DSCAM: variants seen among roughly 807,000 people sequenced by gnomAD.
The protein encoded by DSCAM is DS cell adhesion molecule, also known as cell adhesion molecule DSCAM.
A neutral mutation model predicts 217.7 loss-of-function variants in DSCAM; 47 were observed. That is an observed-to-expected ratio of 0.22 (90% CI 0.17 to 0.28). The LOEUF (loss-of-function observed/expected upper bound fraction) is 0.28. Among genes scored for constraint, DSCAM ranks in the 10% least tolerant of loss-of-function variants. The probability of loss-of-function intolerance (pLI) is 1.00; values close to 1 mark genes in which losing one functional copy is unlikely to be tolerated. For missense variants in DSCAM, 2,080 were observed against 2,618.3 expected (o/e 0.79, Z 4.49); for synonymous variants, 1,056 against 1,015.3 (o/e 1.04, Z -0.76).
intron 3 of DSCAM, among the ~76,000 whole-genome samples, chr21:40,370,679 G>T (rs2074887659): frequency 6.6e-6 from 1 of 151,740 alleles, no homozygotes; most frequent in African/African-American, 2.4e-5. Flanking sequence ...GTGGTGCAGT[G>T]GTATCATCTC....
intron 3 of DSCAM, among the ~76,000 whole-genome samples, chr21:40,523,540 G>A (rs979910156): frequency 2.6e-5 from 4 of 151,886 alleles, no homozygotes; most frequent in East Asian, 1.9e-4. Flanking sequence ...GTGGCTGAGC[G>A]GCCCAACTCC....
intron 32 of DSCAM, among the ~76,000 whole-genome samples, chr21:40,015,194 T>G (rs2088135186): frequency 6.6e-6 from 1 of 152,218 alleles, no homozygotes; most frequent in Non-Finnish European, 1.5e-5. Flanking sequence ...GGTGCTTTGC[T>G]AGGCATTTCC....
chr21:40,482,543 T>C (rs2075992124), intron 3 of DSCAM, among the ~76,000 whole-genome samples: 1 of 152,178 alleles, frequency 6.6e-6, no homozygotes, highest in Admixed American at 6.5e-5. Context: ...GTTTTAAAAA[T>C]TGGACTAAAG....
At chr21:40,095,631 T>C (rs2089666631) in intron 20 of DSCAM, among the ~76,000 whole-genome samples, 1 of 152,016 alleles carries the variant, frequency 6.6e-6, no homozygotes, top group Admixed American at 6.6e-5. Context: ...GTGGTAAGGG[T>C]TGCATAACTC....
At chr21:40,026,314 G>T (rs13051049) in intron 32 of DSCAM, among the ~76,000 whole-genome samples, 2 of 126,136 alleles carry the variant, frequency 1.6e-5, no homozygotes, top group Non-Finnish European at 3.6e-5. Flanking sequence ...TTTTGGAATA[G>T]GTGTGGTGTG....
chr21:40,060,393 G>A (rs565336991), intron 28 of DSCAM, among the ~76,000 whole-genome samples: 4 of 152,232 alleles, frequency 2.6e-5, no homozygotes, highest in Non-Finnish European at 5.9e-5. Context: ...TGTTGAACAT[G>A]TCAGAAAATA....
chr21:40,804,471 C>T (rs2091768840), intron 1 of DSCAM, among the ~76,000 whole-genome samples: 1 of 152,096 alleles, frequency 6.6e-6, no homozygotes, highest in Admixed American at 6.5e-5. Context: ...CCTTTCCCAG[C>T]AGGGCTCTCT....
rs78307873 is a variant in DSCAM at position 40,695,178 on chromosome 21, G to A, written c.362-2222C>T. 6.9e-3 allele frequency among the ~76,000 whole-genome samples: 1,050 copies of A among 152,302 alleles called. 12 individuals are homozygous for A. Among genetic ancestry groups the A allele is most frequent in the African/African-American group, 0.024 (979 of 41,560 alleles). ...AATAGAAATCAAGGAAAGGGGTCAA[G>A]TTCCATGTATCAGACAGGAAAGTGA... On this transcript the variant is annotated intron_variant, in intron 2 of 32. Transcript: ENST00000400454.
At chr21:40,642,342 T>C (rs1032464232) in intron 3 of DSCAM, among the ~76,000 whole-genome samples, 3 of 152,096 alleles carry the variant, frequency 2.0e-5, no homozygotes, top group Non-Finnish European at 2.9e-5. Context: ...AGAGGCACGA[T>C]AAGTATGTAT....
intron 3 of DSCAM, among the ~76,000 whole-genome samples, chr21:40,377,339 G>T (rs1303970543): frequency 1.3e-5 from 2 of 152,114 alleles, no homozygotes; most frequent in African/African-American, 4.8e-5. Context: ...GCTCCCCTGG[G>T]TTTGGGCCAT....
chr21:40,839,952 T>A (rs2092086818), intron 1 of DSCAM, among the ~76,000 whole-genome samples: 1 of 152,218 alleles, frequency 6.6e-6, no homozygotes, highest in Non-Finnish European at 1.5e-5. Flanking sequence ...TTCATCCCTC[T>A]CTGTTAAACC....
intron 1 of DSCAM, among the ~76,000 whole-genome samples, chr21:40,731,500 T>C (rs2091010288): frequency 6.6e-6 from 1 of 151,920 alleles, no homozygotes; most frequent in Non-Finnish European, 1.5e-5. Context: ...AACAGAAATA[T>C]TTTTTTTCAT....
At chr21:40,022,542 GA>G (rs962976836) in intron 32 of DSCAM, among the ~76,000 whole-genome samples, 4 of 152,170 alleles carry the variant, frequency 2.6e-5, no homozygotes, top group Non-Finnish European at 5.9e-5. Flanking sequence ...GTTCTTCATG[GA>G]AGAAAATAAG....
intron 11 of DSCAM, among the ~76,000 whole-genome samples, chr21:40,236,836 G>A (rs1038095187): frequency 6.6e-6 from 1 of 152,180 alleles, no homozygotes; most frequent in Non-Finnish European, 1.5e-5. Flanking sequence ...TCTTACTAGT[G>A]TCTGAGAGGA....
chr21:40,170,485 A>C (rs1448171888), intron 15 of DSCAM, among the ~76,000 whole-genome samples: 1 of 152,208 alleles, frequency 6.6e-6, no homozygotes, highest in African/African-American at 2.4e-5. Context: ...AGTTCCAAAA[A>C]TGCAAAGGCT....
chr21:40,621,187 T>C (rs1374742628), intron 3 of DSCAM: 1 of 152,140 alleles, frequency 6.6e-6, no homozygotes, highest in East Asian at 1.9e-4. Flanking sequence ...GAAATACACA[T>C]TAAAAATAAA....
At chr21:40,266,577 T>C (rs1415391323) in intron 11 of DSCAM, among the ~76,000 whole-genome samples, 1 of 138,220 alleles carries the variant, frequency 7.2e-6, no homozygotes, top group African/African-American at 2.7e-5. Flanking sequence ...CAATTCACAA[T>C]TGCAAAGATA....
At chr21:40,791,841 C>T (rs941489732) in intron 1 of DSCAM, among the ~76,000 whole-genome samples, 1 of 152,096 alleles carries the variant, frequency 6.6e-6, no homozygotes, top group African/African-American at 2.4e-5. Context: ...CTCAGCACTG[C>T]AGTCCATTTC....
intron 3 of DSCAM, among the ~76,000 whole-genome samples, chr21:40,390,289 A>G (rs138803485): frequency 7.2e-5 from 11 of 152,342 alleles, no homozygotes; most frequent in Middle Eastern, 3.4e-3. Flanking sequence ...TGTGGAGTCT[A>G]TCAGTCAGCT....
Sources: gnomAD v4.1 joint callset for allele counts (sites outside exome capture counted in the v4.1 genomes callset) on GRCh38, gnomAD v4.1.1 for gene constraint, MANE v1.5 for transcripts, NCBI Gene and HGNC (gene_info 2026-07-23, HGNC 2026-07-21) for gene names.